The following LUZP2 variants were observed in gnomAD, a reference collection of about 807,000 sequenced individuals.
The protein encoded by LUZP2 is leucine zipper protein 2.
In LUZP2, 52 loss-of-function variants were observed where a neutral mutation model predicts 51.6. The observed-to-expected ratio is 1.01, with a 90% CI of 0.81 to 1.27. LUZP2 has a LOEUF of 1.27. Ranked by LOEUF, LUZP2 falls within the 50% of genes most tolerant of loss-of-function variation. The pLI is 0.00. For synonymous variants in LUZP2, 154 were observed against 137.3 expected (o/e 1.12, Z -0.85); for missense variants, 436 against 395.4 (o/e 1.10, Z -0.87).
chr11:25,041,030 G>A (rs1000930421), intron 9 of LUZP2, among the ~76,000 whole-genome samples: 1 of 152,004 alleles, frequency 6.6e-6, no homozygotes, highest in Non-Finnish European at 1.5e-5. Context: ...CTTCATTTGT[G>A]TCCTTTCTCT....
At chr11:24,869,126 T>C (rs968650738) in intron 5 of LUZP2, among the ~76,000 whole-genome samples, 3 of 152,244 alleles carry the variant, frequency 2.0e-5, no homozygotes, top group East Asian at 1.9e-4. Flanking sequence ...CTTGAGCAGA[T>C]ACACAATTAA....
intron 1 of LUZP2, among the ~76,000 whole-genome samples, chr11:24,516,952 C>T (rs1173842043): frequency 2.6e-5 from 4 of 152,100 alleles, no homozygotes; most frequent in African/African-American, 9.7e-5. Flanking sequence ...CTCTGTGATA[C>T]AATCTATGTG....
At chr11:25,005,633 G>A (rs552721005) in intron 9 of LUZP2, among the ~76,000 whole-genome samples, 11 of 152,016 alleles carry the variant, frequency 7.2e-5, no homozygotes, top group Non-Finnish European at 1.0e-4. Flanking sequence ...TTTGTTTCCC[G>A]CTGCCCAAGA....
At chr11:24,796,236 C>A (rs1486209810) in intron 5 of LUZP2, among the ~76,000 whole-genome samples, 1 of 151,962 alleles carries the variant, frequency 6.6e-6, no homozygotes, top group African/African-American at 2.4e-5. Flanking sequence ...ATATGCAAAG[C>A]AAGTTCTATT....
At chr11:24,600,733 A>G (rs1388069769) in intron 1 of LUZP2, among the ~76,000 whole-genome samples, 1 of 152,130 alleles carries the variant, frequency 6.6e-6, no homozygotes, top group Non-Finnish European at 1.5e-5. Flanking sequence ...AGGCCTAAGG[A>G]AAGGTAGTAT....
chr11:24,703,240 G>A (rs1590370280), intron 1 of LUZP2, among the ~76,000 whole-genome samples: 1 of 152,256 alleles, frequency 6.6e-6, no homozygotes, highest in Admixed American at 6.5e-5. Flanking sequence ...AGCTTGTAGT[G>A]TATCCAATTA....
intron 7 of LUZP2, among the ~76,000 whole-genome samples, chr11:24,919,850 A>G (rs1250967935): frequency 9.2e-5 from 14 of 151,358 alleles, no homozygotes; most frequent in Non-Finnish European, 1.9e-4. Context: ...TTACTCTCCC[A>G]TCAGTACAAT....
chr11:24,505,087 A>T (rs1213957428), intron 1 of LUZP2, among the ~76,000 whole-genome samples: 1 of 152,096 alleles, frequency 6.6e-6, no homozygotes, highest in East Asian at 1.9e-4. Flanking sequence ...TAGTTTTCAG[A>T]GCTAAGGTAT....
chr11:24,588,490 G>A (rs558456623), intron 1 of LUZP2, among the ~76,000 whole-genome samples: 201 of 152,152 alleles, frequency 1.3e-3, no homozygotes, highest in African/African-American at 4.6e-3. Flanking sequence ...AAAAGTATAC[G>A]TTTGGAAGAA....
chr11:24,745,740 C>A (rs1445384378), intron 4 of LUZP2, among the ~76,000 whole-genome samples: 1 of 152,034 alleles, frequency 6.6e-6, no homozygotes, highest in African/African-American at 2.4e-5. Context: ...TGCAGTGGCA[C>A]AATCTTGGCT....
chr11:24,917,279 A>T (rs1365496663), intron 7 of LUZP2, among the ~76,000 whole-genome samples: 1 of 152,116 alleles, frequency 6.6e-6, no homozygotes, highest in African/African-American at 2.4e-5. Flanking sequence ...CCCATTCTGT[A>T]GGTTGCCTGT....
At chr11:24,648,895 C>T (rs1007701937) in intron 1 of LUZP2, among the ~76,000 whole-genome samples, 1 of 151,898 alleles carries the variant, frequency 6.6e-6, no homozygotes, top group Non-Finnish European at 1.5e-5. Flanking sequence ...TGGAACTAAC[C>T]TAATATTTTC....
intron 9 of LUZP2, among the ~76,000 whole-genome samples, chr11:25,025,077 T>C (rs979565086): frequency 4.6e-5 from 7 of 152,082 alleles, no homozygotes; most frequent in African/African-American, 1.7e-4. Context: ...TGATGCTGGG[T>C]AAATTGCCTA....
chr11:24,910,639 A>G (rs1853598212), intron 6 of LUZP2, among the ~76,000 whole-genome samples: 1 of 152,166 alleles, frequency 6.6e-6, no homozygotes, highest in South Asian at 2.1e-4. Flanking sequence ...AGGTTTGGGA[A>G]CCTCCACCTA....
intron 5 of LUZP2, among the ~76,000 whole-genome samples, chr11:24,854,536 G>A (rs1165475925): frequency 1.3e-5 from 2 of 152,186 alleles, no homozygotes; most frequent in Non-Finnish European, 2.9e-5. Context: ...TCAAGCCAGT[G>A]GATCTTAGCT....
chr11:24,692,662 CA>C (rs1857112926), intron 1 of LUZP2, among the ~76,000 whole-genome samples: 1 of 151,954 alleles, frequency 6.6e-6, no homozygotes, highest in Non-Finnish European at 1.5e-5. Context: ...AAAAAGTCAA[CA>C]AGTTTTTTCA....
At chr11:25,067,901 T>C (rs1859043261) in intron 10 of LUZP2, among the ~76,000 whole-genome samples, 1 of 151,930 alleles carries the variant, frequency 6.6e-6, no homozygotes, top group South Asian at 2.1e-4. Flanking sequence ...AAGAGCAAAG[T>C]CTTGGAACCA....
chr11:24,731,295 C>T (rs1239381016), intron 2 of LUZP2, among the ~76,000 whole-genome samples: 2 of 151,556 alleles, frequency 1.3e-5, no homozygotes, highest in Non-Finnish European at 3.0e-5. Flanking sequence ...AAGTGTTTGC[C>T]CTTTTTGCTA....
intron 7 of LUZP2, among the ~76,000 whole-genome samples, chr11:24,939,778 C>T (rs1422130649): frequency 1.3e-5 from 2 of 152,014 alleles, no homozygotes; most frequent in Non-Finnish European, 2.9e-5. Flanking sequence ...GTGATATTAA[C>T]AAGGTTTGGA....
Sources: allele counts gnomAD v4.1 joint callset (sites outside exome capture counted in the v4.1 genomes callset), GRCh38; gene constraint gnomAD v4.1.1; transcripts MANE v1.5; gene names NCBI Gene and HGNC (gene_info 2026-07-23, HGNC 2026-07-21).